The following HOMER1 variants were observed in gnomAD, a reference collection of about 807,000 sequenced individuals.
The protein encoded by HOMER1 is homer scaffold protein 1.
Under a neutral mutation model 48.9 loss-of-function variants are expected in HOMER1, and 3 were observed. That is an observed-to-expected ratio of 0.06 (90% CI 0.03 to 0.16). HOMER1 has a LOEUF of 0.16. Ranked by LOEUF, HOMER1 falls within the 10% of genes least tolerant of loss-of-function variation. The pLI is 1.00. For synonymous variants in HOMER1, 134 were observed against 146.4 expected (o/e 0.92, Z 0.61); for missense variants, 247 against 411.4 (o/e 0.60, Z 3.46).
chr5:79,427,616 T>C (rs1231173353), intron 5 of HOMER1, among the ~76,000 whole-genome samples: 1 of 151,822 alleles, frequency 6.6e-6, no homozygotes, highest in East Asian at 1.9e-4. Context: ...TTTACAACCT[T>C]CCTTCCTTCC....
chr5:79,451,786 G>A (rs1751036204), intron 2 of HOMER1, among the ~76,000 whole-genome samples: 1 of 151,762 alleles, frequency 6.6e-6, no homozygotes, highest in South Asian at 2.1e-4. Context: ...AGCCAGGATG[G>A]TCTCGATCTC....
intron 5 of HOMER1, among the ~76,000 whole-genome samples, chr5:79,431,270 C>A (rs555869608): frequency 1.2e-4 from 18 of 152,128 alleles, no homozygotes; most frequent in African/African-American, 3.9e-4. Flanking sequence ...TTGCAGTGAG[C>A]CAAGATTGCA....
chr5:79,506,128 T>A (rs934457801), intron 1 of HOMER1, among the ~76,000 whole-genome samples: 7 of 149,880 alleles, frequency 4.7e-5, no homozygotes, highest in Non-Finnish European at 8.9e-5. Context: ...TTATTTATTT[T>A]TTTGAGATGG....
At chr5:79,388,588 T>G (rs1296119316) in intron 8 of HOMER1, among the ~76,000 whole-genome samples, 2 of 152,008 alleles carry the variant, frequency 1.3e-5, no homozygotes, top group Non-Finnish European at 2.9e-5. Flanking sequence ...AAAAACAAGT[T>G]TGAATTATAT....
intron 1 of HOMER1, among the ~76,000 whole-genome samples, chr5:79,494,552 C>T (rs1752370742): frequency 6.6e-6 from 1 of 152,186 alleles, no homozygotes; most frequent in Non-Finnish European, 1.5e-5. Flanking sequence ...AAATTGCTGC[C>T]ATTAACCTAT....
At chr5:79,504,589 A>G (rs971253181) in intron 1 of HOMER1, among the ~76,000 whole-genome samples, 1 of 152,190 alleles carries the variant, frequency 6.6e-6, no homozygotes, top group Non-Finnish European at 1.5e-5. Context: ...GTCATGTCCT[A>G]AAGATCATTA....
intron 3 of HOMER1, 89 bp downstream of exon 3, chr5:79,450,901 A>C: frequency 5.7e-6 from 7 of 1,237,704 alleles, no homozygotes; most frequent in Non-Finnish European, 7.8e-6. Context: ...AATTTCTCCT[A>C]TATTTTATAC....
At chr5:79,474,174 A>T (rs531587146) in intron 1 of HOMER1, among the ~76,000 whole-genome samples, 1 of 149,852 alleles carries the variant, frequency 6.7e-6, no homozygotes, top group African/African-American at 2.5e-5. Flanking sequence ...AGTAGCTGGG[A>T]CTAAAGGTGT....
chr5:79,475,111 A>C (rs1302988348), intron 1 of HOMER1, among the ~76,000 whole-genome samples: 3 of 152,208 alleles, frequency 2.0e-5, no homozygotes, highest in Non-Finnish European at 4.4e-5. Flanking sequence ...AAAGAGCTTA[A>C]CATGTGGTCA....
chr5:79,462,791 A>C (rs945979633), intron 1 of HOMER1, among the ~76,000 whole-genome samples: 7 of 152,236 alleles, frequency 4.6e-5, no homozygotes, highest in African/African-American at 1.7e-4. Context: ...CTATACTTTC[A>C]AAAATATTAT....
At chr5:79,434,688 A>C (rs1750525774) in intron 5 of HOMER1, among the ~76,000 whole-genome samples, 2 of 152,162 alleles carry the variant, frequency 1.3e-5, no homozygotes, top group African/African-American at 4.8e-5. Context: ...AAATAAGTAC[A>C]CTAAAACAGT....
intron 6 of HOMER1, among the ~76,000 whole-genome samples, chr5:79,399,211 A>ACTGCAAGAAAG (rs1183182506): frequency 6.6e-6 from 1 of 152,230 alleles, no homozygotes; most frequent in East Asian, 1.9e-4. Context: ...TGGGCAAAAG[A>ACTGCAAGAAAG]CTGCAAGAAA....
intron 1 of HOMER1, among the ~76,000 whole-genome samples, chr5:79,509,074 GAGC>G (rs1434839601): frequency 6.6e-6 from 1 of 152,214 alleles, no homozygotes; most frequent in Non-Finnish European, 1.5e-5. Context: ...AACCCCTAGA[GAGC>G]AGAACCCTGC....
intron 1 of HOMER1, among the ~76,000 whole-genome samples, chr5:79,495,942 A>G (rs1358417363): frequency 2.6e-5 from 4 of 152,270 alleles, no homozygotes; most frequent in Non-Finnish European, 5.9e-5. Context: ...CTTTTCCAAA[A>G]TTCCACTAAA....
chr5:79,491,400 C>T (rs1164572025), intron 1 of HOMER1, among the ~76,000 whole-genome samples: 1 of 126,742 alleles, frequency 7.9e-6, no homozygotes, highest in African/African-American at 3.1e-5. Context: ...GACTGTGCCA[C>T]TACACTCCAG....
At chr5:79,441,403 A>G (rs1750731666) in intron 4 of HOMER1, among the ~76,000 whole-genome samples, 2 of 152,082 alleles carry the variant, frequency 1.3e-5, no homozygotes, top group African/African-American at 2.4e-5. Context: ...GAGGCATGGA[A>G]CTTGGGGAGG....
intron 8 of HOMER1, among the ~76,000 whole-genome samples, chr5:79,388,557 A>C (rs1279625635): frequency 1.3e-5 from 2 of 152,162 alleles, no homozygotes; most frequent in Non-Finnish European, 2.9e-5. Flanking sequence ...CTCTGAACTA[A>C]ATATTCTCAA....
At chr5:79,472,852 C>T (rs1005197864) in intron 1 of HOMER1, among the ~76,000 whole-genome samples, 5 of 152,034 alleles carry the variant, frequency 3.3e-5, no homozygotes, top group African/African-American at 9.7e-5. Flanking sequence ...AACAGATTTG[C>T]GGATACTGTT....
intron 5 of HOMER1, among the ~76,000 whole-genome samples, chr5:79,432,084 C>T (rs1290045650): frequency 1.1e-4 from 17 of 152,238 alleles, no homozygotes; most frequent in Admixed American, 1.1e-3. Context: ...ACATATATCA[C>T]AAATGTCACA....
Sources: allele counts gnomAD v4.1 joint callset (sites outside exome capture counted in the v4.1 genomes callset), GRCh38; gene constraint gnomAD v4.1.1; transcripts MANE v1.5; gene names NCBI Gene and HGNC (gene_info 2026-07-23, HGNC 2026-07-21).